LIMS1: variants seen among roughly 807,000 people sequenced by gnomAD.
LIMS1 encodes the protein LIM and senescent cell antigen-like-containing domain protein 1.
In LIMS1, 18 loss-of-function variants were observed where a neutral mutation model predicts 44.1. That is an observed-to-expected ratio of 0.41 (90% CI 0.28 to 0.61). The LOEUF is 0.61. Ranked by LOEUF, LIMS1 falls within the 20% of genes least tolerant of loss-of-function variation. The pLI is 0.32. For synonymous variants in LIMS1, 93 were observed against 149.1 expected (o/e 0.62, Z 2.74); for missense variants, 201 against 422.0 (o/e 0.48, Z 4.59).
At chr2:108,624,756 CTAAA>C (rs1224936213) in intron 1 of LIMS1, among the ~76,000 whole-genome samples, 1 of 150,234 alleles carries the variant, frequency 6.7e-6, no homozygotes, top group Non-Finnish European at 1.5e-5. Flanking sequence ...GACTATGTCT[CTAAA>C]TAAATAAATA....
chr2:108,551,638 G>A (rs1245781886), intron 1 of LIMS1, among the ~76,000 whole-genome samples: 2 of 139,994 alleles, frequency 1.4e-5, no homozygotes, highest in Non-Finnish European at 3.0e-5. Context: ...GTATATATAT[G>A]TATATATGTG....
chr2:108,534,708 C>T (rs1471015090), intron 1 of LIMS1, 114 bp downstream of exon 1: 4 of 545,284 alleles, frequency 7.3e-6, no homozygotes, highest in Non-Finnish European at 9.3e-6. Flanking sequence ...TCCCCGCGGC[C>T]TCCCCCGGTC....
chr2:108,612,944 G>C (rs970538060), intron 1 of LIMS1, among the ~76,000 whole-genome samples: 9 of 152,158 alleles, frequency 5.9e-5, no homozygotes, highest in African/African-American at 1.9e-4. Flanking sequence ...GATGGTCTGT[G>C]GGGGAGAATG....
chr2:108,620,819 T>C (rs943056010), intron 1 of LIMS1, among the ~76,000 whole-genome samples: 6 of 152,076 alleles, frequency 3.9e-5, no homozygotes, highest in African/African-American at 1.4e-4. Context: ...GGGGGAGGAA[T>C]TGGACTGCTT....
Position 108,643,477 on chromosome 2 carries a change from C to T in LIMS1, c.33-16128C>T, listed in dbSNP as rs148689515. Among the ~76,000 whole-genome samples, 73 of 152,288 alleles carry T rather than the reference C, an allele frequency of 4.8e-4. 1 individual carries two copies. The South Asian group carries it at 6.4e-3, about 13-fold the overall frequency. ...CGGCCCAGATGTTGCACTTTTCCCA[C>T]GGTCTTCGCAACCCACAGACCAGGA... On this transcript the variant is annotated intron_variant, in intron 1 of 9. Transcript: ENST00000544547.
intron 1 of LIMS1, among the ~76,000 whole-genome samples, chr2:108,639,751 G>A (rs565406181): frequency 6.6e-6 from 1 of 152,196 alleles, no homozygotes; most frequent in Admixed American, 6.5e-5. Context: ...GTGCCCAGCC[G>A]TGTACATGTA....
At chr2:108,595,123 C>T (rs1407800405) in intron 1 of LIMS1, among the ~76,000 whole-genome samples, 1 of 152,084 alleles carries the variant, frequency 6.6e-6, no homozygotes, top group African/African-American at 2.4e-5. Flanking sequence ...AAGGTCATAC[C>T]GACCTTTATC....
intron 1 of LIMS1, 38 bp downstream of exon 1, chr2:108,534,632 C>T (rs1684052565): frequency 1.8e-6 from 2 of 1,085,120 alleles, no homozygotes; most frequent in African/African-American, 3.4e-5. Context: ...CACGTCCGCC[C>T]CGCAGCTCCC....
At chr2:108,617,598 C>T (rs1259897058) in intron 1 of LIMS1, among the ~76,000 whole-genome samples, 3 of 152,178 alleles carry the variant, frequency 2.0e-5, no homozygotes, top group African/African-American at 7.2e-5. Context: ...AAACATAAAG[C>T]TTGTTTAACA....
At chr2:108,570,614 C>G (rs1337607816) in intron 1 of LIMS1, among the ~76,000 whole-genome samples, 2 of 152,056 alleles carry the variant, frequency 1.3e-5, no homozygotes, top group Admixed American at 6.6e-5. Flanking sequence ...AAGCTGAACT[C>G]TAAGGGGTTG....
At chr2:108,577,453 A>G (rs574552423) in intron 1 of LIMS1, among the ~76,000 whole-genome samples, 19 of 152,300 alleles carry the variant, frequency 1.2e-4, no homozygotes, top group African/African-American at 3.4e-4. Context: ...AGTTATCCTT[A>G]TGTGCCCCGT....
At chr2:108,642,186 A>AG (rs574540321) in intron 1 of LIMS1, among the ~76,000 whole-genome samples, 186 of 152,308 alleles carry the variant, frequency 1.2e-3, no homozygotes, top group African/African-American at 4.4e-3. Context: ...GCATTTACTA[A>AG]GCACTCCGCT....
intron 1 of LIMS1, among the ~76,000 whole-genome samples, chr2:108,614,917 C>G (rs1687849428): frequency 6.6e-6 from 1 of 152,088 alleles, no homozygotes; most frequent in Non-Finnish European, 1.5e-5. Flanking sequence ...GGAGAAGAAC[C>G]GTTTTTGTTC....
chr2:108,567,776 C>T (rs192169292), intron 1 of LIMS1, among the ~76,000 whole-genome samples: 5 of 152,160 alleles, frequency 3.3e-5, no homozygotes, highest in African/African-American at 1.2e-4. Context: ...TTCTCCATGC[C>T]GTTCAGGCTG....
chr2:108,631,302 C>G (rs1027216758), intron 1 of LIMS1, among the ~76,000 whole-genome samples: 3 of 152,318 alleles, frequency 2.0e-5, no homozygotes, highest in African/African-American at 7.2e-5. Flanking sequence ...CTGGGTATAG[C>G]CCACTGGCCT....
intron 1 of LIMS1, among the ~76,000 whole-genome samples, chr2:108,629,189 T>C (rs569366598): frequency 5.6e-4 from 86 of 152,314 alleles, no homozygotes; most frequent in African/African-American, 2.0e-3. Context: ...GGCAGTGTTA[T>C]AGGGAAGAAG....
At chr2:108,559,318 A>C (rs976755398) in intron 1 of LIMS1, among the ~76,000 whole-genome samples, 2 of 152,242 alleles carry the variant, frequency 1.3e-5, no homozygotes. Flanking sequence ...AAAACACTTC[A>C]AAATAACTTG....
At chr2:108,612,446 A>G (rs1687708427) in intron 1 of LIMS1, among the ~76,000 whole-genome samples, 1 of 150,514 alleles carries the variant, frequency 6.6e-6, no homozygotes, top group African/African-American at 2.4e-5. Flanking sequence ...AGTTGCTATG[A>G]TGAAGAAAAC....
At chr2:108,560,460 T>C (rs1685074003) in intron 1 of LIMS1, among the ~76,000 whole-genome samples, 1 of 151,966 alleles carries the variant, frequency 6.6e-6, no homozygotes, top group Non-Finnish European at 1.5e-5. Context: ...CCCCTAGGTG[T>C]TTCTCAAACT....
Sources: allele counts gnomAD v4.1 joint callset (sites outside exome capture counted in the v4.1 genomes callset), GRCh38; gene constraint gnomAD v4.1.1; transcripts MANE v1.5; gene names NCBI Gene and HGNC (gene_info 2026-07-23, HGNC 2026-07-21).